BTBD9: variants seen among roughly 807,000 people sequenced by gnomAD.
BTBD9 encodes BTB domain containing 9.
BTBD9 carries 49 observed loss-of-function variants against 64.3 expected under a neutral mutation model. The observed-to-expected ratio is 0.76, with a 90% CI of 0.61 to 0.97. BTBD9 has a LOEUF of 0.97. Among genes scored for constraint, BTBD9 ranks in the 50% least tolerant of loss-of-function variants. The pLI is 0.00. For missense variants in BTBD9, 598 were observed against 762.1 expected (o/e 0.78, Z 2.53); for synonymous variants, 260 against 274.7 (o/e 0.95, Z 0.53).
intron 7 of BTBD9, among the ~76,000 whole-genome samples, chr6:38,311,667 A>G (rs1449333375): frequency 1.3e-5 from 2 of 152,168 alleles, no homozygotes; most frequent in African/African-American, 4.8e-5. Flanking sequence ...ACTGTTCTCC[A>G]TAGTGGTTGT....
At chr6:38,617,802 G>A (rs906622274) in intron 1 of BTBD9, among the ~76,000 whole-genome samples, 4 of 152,152 alleles carry the variant, frequency 2.6e-5, no homozygotes, top group African/African-American at 9.7e-5. Context: ...ATCTTCATAG[G>A]ACAAGGGTAA....
intron 6 of BTBD9, among the ~76,000 whole-genome samples, chr6:38,416,880 TA>T (rs1462796202): frequency 6.6e-6 from 1 of 152,194 alleles, no homozygotes; most frequent in Non-Finnish European, 1.5e-5. Flanking sequence ...TACATTGCTC[TA>T]TGTGTGACAT....
intron 1 of BTBD9, among the ~76,000 whole-genome samples, chr6:38,633,700 GT>G (rs1320042044): frequency 1.3e-5 from 2 of 152,026 alleles, no homozygotes; most frequent in East Asian, 3.9e-4. Flanking sequence ...AGAGTACCTA[GT>G]CTGTAATCAA....
intron 6 of BTBD9, among the ~76,000 whole-genome samples, chr6:38,574,323 A>G (rs1176765215): frequency 6.6e-6 from 1 of 152,216 alleles, no homozygotes; most frequent in Non-Finnish European, 1.5e-5. Flanking sequence ...TGTTATATAT[A>G]TTTTACCAAC....
At chr6:38,613,103 A>T (rs933693112) in intron 1 of BTBD9, 1 of 152,248 alleles carries the variant, frequency 6.6e-6, no homozygotes, top group Non-Finnish European at 1.5e-5. Context: ...TTTATTGAGT[A>T]GTTGTCAAAT....
At chr6:38,257,063 CTTTTTTT>C (rs745545678) in intron 8 of BTBD9, among the ~76,000 whole-genome samples, 6 of 111,364 alleles carry the variant, frequency 5.4e-5, no homozygotes, top group Admixed American at 4.6e-4. Context: ...TTGCACACTT[CTTTTTTT>C]TTTTTTTTTT....
At chr6:38,503,720 C>T (rs1000014724) in intron 6 of BTBD9, among the ~76,000 whole-genome samples, 2 of 152,154 alleles carry the variant, frequency 1.3e-5, no homozygotes, top group African/African-American at 2.4e-5. Flanking sequence ...TCCTCCACTC[C>T]TACTGCTGGC....
intron 6 of BTBD9, among the ~76,000 whole-genome samples, chr6:38,513,786 G>A (rs1365932000): frequency 6.6e-6 from 1 of 152,194 alleles, no homozygotes. Flanking sequence ...GGAATCAGGT[G>A]AGAGGAAGGC....
intron 6 of BTBD9, among the ~76,000 whole-genome samples, chr6:38,401,102 C>T (rs9369056): frequency 0.057 from 8,677 of 152,214 alleles, 711 homozygotes; most frequent in East Asian, 0.33. Context: ...TGTCCTCACC[C>T]AAATCTCATC....
intron 9 of BTBD9, among the ~76,000 whole-genome samples, chr6:38,206,247 T>G (rs1198525660): frequency 2.0e-5 from 3 of 151,766 alleles, no homozygotes; most frequent in African/African-American, 7.3e-5. Flanking sequence ...GATGGAGTCT[T>G]GCTCTGTTGC....
intron 8 of BTBD9, among the ~76,000 whole-genome samples, chr6:38,263,673 A>C (rs1177969477): frequency 6.6e-6 from 1 of 152,236 alleles, no homozygotes; most frequent in Non-Finnish European, 1.5e-5. Flanking sequence ...TGCAGTGAGA[A>C]GCAGAGACCA....
At chr6:38,280,790 C>T (rs1761481176) in intron 8 of BTBD9, among the ~76,000 whole-genome samples, 1 of 152,196 alleles carries the variant, frequency 6.6e-6, no homozygotes, top group South Asian at 2.1e-4. Context: ...TTAGCAGTTT[C>T]CTCACATACA....
At chr6:38,622,443 G>C (rs1214762529) in intron 1 of BTBD9, among the ~76,000 whole-genome samples, 2 of 152,304 alleles carry the variant, frequency 1.3e-5, no homozygotes, top group Middle Eastern at 3.4e-3. Context: ...CAATCGTCCA[G>C]CTTTTAAAGC....
At chr6:38,490,312 C>T (rs1418267454) in intron 6 of BTBD9, among the ~76,000 whole-genome samples, 1 of 152,116 alleles carries the variant, frequency 6.6e-6, no homozygotes, top group East Asian at 1.9e-4. Context: ...TCTCAAAAGA[C>T]ACATCCATTT....
chr6:38,410,242 G>A (rs993368833), intron 6 of BTBD9, among the ~76,000 whole-genome samples: 5 of 151,978 alleles, frequency 3.3e-5, no homozygotes, highest in African/African-American at 4.8e-5. Flanking sequence ...AGGCTGAGGC[G>A]GGAGGATCAC....
At chr6:38,199,197 T>G (rs958542387) in intron 9 of BTBD9, among the ~76,000 whole-genome samples, 1 of 152,132 alleles carries the variant, frequency 6.6e-6, no homozygotes, top group East Asian at 1.9e-4. Flanking sequence ...TAGAATCCTG[T>G]AGCAGCTGAG....
intron 8 of BTBD9, among the ~76,000 whole-genome samples, chr6:38,277,337 CTT>C (rs1187253487): frequency 4.1e-5 from 6 of 145,040 alleles, no homozygotes; most frequent in African/African-American, 5.0e-5. Flanking sequence ...ATTTACAGAA[CTT>C]TTTTTTTTTT....
chr6:38,429,457 A>G (rs1232173847), intron 6 of BTBD9, among the ~76,000 whole-genome samples: 1 of 147,526 alleles, frequency 6.8e-6, no homozygotes, highest in Non-Finnish European at 1.5e-5. Context: ...CTACGTCTCA[A>G]AAAAAAAAAA....
intron 9 of BTBD9, among the ~76,000 whole-genome samples, chr6:38,247,652 G>C (rs555026242): frequency 6.6e-6 from 1 of 152,362 alleles, no homozygotes; most frequent in Non-Finnish European, 1.5e-5. Context: ...GGTGTCCCAG[G>C]GAAAGGCAGA....
Sources: gnomAD v4.1 joint callset for allele counts (sites outside exome capture counted in the v4.1 genomes callset) on GRCh38, gnomAD v4.1.1 for gene constraint, MANE v1.5 for transcripts, NCBI Gene and HGNC (gene_info 2026-07-23, HGNC 2026-07-21) for gene names.